Variants in AOC1 observed in about 807,000 individuals in gnomAD.
The protein encoded by AOC1 is diamine oxidase [copper-containing].
In AOC1, 58 loss-of-function variants were observed where a neutral mutation model predicts 57.1. The observed-to-expected ratio is 1.02, with a 90% CI of 0.82 to 1.26. The LOEUF (loss-of-function observed/expected upper bound fraction) is 1.26. AOC1 is among the 50% of genes most tolerant of loss of function. The probability of loss-of-function intolerance (pLI) is 0.00; values close to 1 mark genes in which losing one functional copy is unlikely to be tolerated. For missense variants in AOC1, 917 were observed against 1,005.3 expected (o/e 0.91, Z 1.19); for synonymous variants, 401 against 423.4 (o/e 0.95, Z 0.65).
rs565800850 is a variant in AOC1, at chr7:150,856,476, G to C, written c.6G>C (p.Pro2=). The change falls in exon 2 of 5, where the codon CCG becomes CCC. Residue 2 remains proline, a synonymous_variant. Transcript: ENST00000360937. The surrounding 1 kb of genome is among the most constrained non-coding windows in gnomAD (Gnocchi z 5.2). ...CCAGAGCCGTGGAGCGAGAGATGCCGGCCCTGGGCTGGGCCGTGGCTGCCA... is the reference window on the plus strand; with the variant it reads ...CCAGAGCCGTGGAGCGAGAGATGCCCGCCCTGGGCTGGGCCGTGGCTGCCA... M[P]ALGWAVAAIL... 1 of 1,611,688 alleles carries C rather than the reference G, an allele frequency of 6.2e-7. No homozygotes were observed. Among genetic ancestry groups the C allele is most frequent in the Non-Finnish European group, 8.5e-7 (1 of 1,179,198 alleles).
intron 1 of AOC1, among the ~76,000 whole-genome samples, chr7:150,855,005 G>C (rs1474201881): frequency 6.7e-6 from 1 of 149,120 alleles, no homozygotes; most frequent in African/African-American, 2.6e-5. Context: ...CAGGGCTTCT[G>C]ATTTAGGGAG....
In AOC1 at chr7:150,860,570, C is replaced by A; in HGVS notation, c.1926C>A (p.Asp642Glu). The change falls in exon 4 of 5, where the codon GAC (aspartate) becomes GAA (glutamate). Residue 642 changes from aspartate to glutamate, a missense_variant. Transcript: ENST00000360937. ...GCAGCAGCATCTACCACCAGAACGA[C>A]CCCTGGCACCCGCCCGTGGTCTTTG... ...LCSSSIYHQN[D>E]PWHPPVVFEQ... 1.9e-6 allele frequency: 3 copies of A among 1,614,064 alleles called. No homozygotes were observed. The highest frequency in any genetic ancestry group is 1.3e-5 in the African/African-American group (1 of 75,042).
At position 150,857,613 on chromosome 7, in the gene AOC1, C is replaced by T; in HGVS notation, c.1143C>T (p.Val381=). Reference sequence around the variant, plus strand: ...ATGTCGGCTGGGGCCTGGGCAGCGTCACTCATGAGTTAGCCCCCGGCATCG... The same window carrying T: ...ATGTCGGCTGGGGCCTGGGCAGCGTTACTCATGAGTTAGCCCCCGGCATCG... ...YLDVGWGLGS[V]THELAPGIDC... Residue 381 remains valine (V), a synonymous_variant, in exon 2 of 5, where the codon GTC becomes GTT. Coordinates refer to ENST00000360937, the MANE Select transcript of AOC1 (RefSeq NM_001091.4). This position sits in a 1 kb window ranked among gnomAD's most constrained non-coding sequence, Gnocchi z 6.6. 1 of 1,614,004 alleles carries T rather than the reference C, an allele frequency of 6.2e-7. No homozygotes were observed. The highest frequency in any genetic ancestry group is 8.5e-7 in the Non-Finnish European group (1 of 1,180,004).
chr7:150,858,937 C>T lies in AOC1; in HGVS notation c.1745C>T (p.Pro582Leu). 1 of 1,611,628 alleles carries T rather than the reference C, an allele frequency of 6.2e-7. No homozygotes were observed. The highest frequency in any genetic ancestry group is 2.2e-5 in the East Asian group (1 of 44,820). Reference protein sequence around the residue: ...KLPKYLLFTSPQENPWGHKRT... With the variant: ...KLPKYLLFTSLQENPWGHKRT... ...CCTAAGTACCTGCTCTTTACCAGCC[C>T]CCAGGAGAACCCCTGGGGCCACAAG... Residue 582 changes from proline (P) to leucine (L), a missense_variant, in exon 3 of 5, where the codon CCC becomes CTC. By Grantham distance (98) the Pro-to-Leu change is moderately conservative. Transcript: ENST00000360937.
chr7:150,857,427 C>T lies in AOC1; in HGVS notation c.957C>T (p.Tyr319=), dbSNP rs565010501. 1.8e-5 allele frequency: 29 copies of T among 1,610,778 alleles called. No homozygotes were observed. The highest frequency in any genetic ancestry group is 6.7e-5 in the East Asian group (3 of 44,862). ...RFRLEGNAVL[Y]GGWSFAFRLR... ...GGCTGGAGGGCAACGCTGTGCTCTA[C>T]GGCGGCTGGAGCTTTGCCTTCCGGC... is the stretch of plus-strand genomic sequence containing the variant. The change falls in exon 2 of 5, where the codon TAC becomes TAT. Residue 319 remains tyrosine, a synonymous_variant. Coordinates refer to ENST00000360937, the MANE Select transcript of AOC1 (RefSeq NM_001091.4). The surrounding 1 kb of genome is among the most constrained non-coding windows in gnomAD (Gnocchi z 6.6).
rs1343687405 is a variant in AOC1, at chr7:150,856,722, G to A, written c.252G>A (p.Arg84=). 3.1e-6 allele frequency: 5 copies of A among 1,614,170 alleles called. No homozygotes were observed. In the South Asian group the frequency reaches 5.5e-5, roughly 18 times the overall value. Reference sequence around the variant, plus strand: ...TGCCCAAGAAGTACCATGTGCTGAGGTTTCTGGATAAAGGTGAAAGGCATC... The same window carrying A: ...TGCCCAAGAAGTACCATGTGCTGAGATTTCTGGATAAAGGTGAAAGGCATC... ...MLLPKKYHVL[R]FLDKGERHPV... The change falls in exon 2 of 5, where the codon AGG becomes AGA. Residue 84 remains arginine (R), a synonymous_variant. Coordinates refer to ENST00000360937, the MANE Select transcript of AOC1 (RefSeq NM_001091.4). The surrounding 1 kb of genome is among the most constrained non-coding windows in gnomAD (Gnocchi z 5.2).
rs543446294 is a variant in AOC1, at chr7:150,857,333, G to T, written c.863G>T (p.Arg288Leu). 3 of 1,601,210 alleles carry T rather than the reference G, an allele frequency of 1.9e-6. No individual in the cohort carries two copies. The highest frequency in any genetic ancestry group is 2.6e-6 in the Non-Finnish European group (3 of 1,172,168). ...CCCCTCTTCTCCTCCCACAAGCCCC[G>T]CGGGGACTTCCCCAGCCCCATCCAT... is the stretch of plus-strand genomic sequence containing the variant. ...EPPLFSSHKP[R>L]GDFPSPIHVS... Residue 288 changes from arginine (R) to leucine (L), a missense_variant, in exon 2 of 5, where the codon CGC (arginine) becomes CTC (leucine). Arg to Leu is a moderately radical substitution (Grantham distance 102, BLOSUM62 -2). Transcript: ENST00000360937. This position sits in a 1 kb window ranked among gnomAD's most constrained non-coding sequence, Gnocchi z 6.6.
At position 150,860,932 on chromosome 7, in the gene AOC1, G is replaced by A; in HGVS notation, c.1990-11G>A. The A allele has an allele frequency of 2.5e-6, 4 of 1,607,934 alleles. No homozygotes were observed. Among genetic ancestry groups the A allele is most frequent in the Non-Finnish European group, 3.4e-6 (4 of 1,177,862 alleles). ...AGCCCTGCCCACTGAAGCCCACCCT[G>A]TCTCCTGCAGGACCTGGTGGCCTGG... On this transcript the variant is annotated splice_polypyrimidine_tract_variant and intron_variant, in intron 4 of 4. Coordinates refer to ENST00000360937, the MANE Select transcript of AOC1 (RefSeq NM_001091.4).
intron 3 of AOC1, 47 bp downstream of exon 3, chr7:150,859,095 A>T (rs1799885620): frequency 6.7e-7 from 1 of 1,484,268 alleles, no homozygotes; most frequent in Non-Finnish European, 9.0e-7. Flanking sequence ...GGCTTCCCTC[A>T]GTGTGTGTGT....
At chr7:150,853,673 ATATATATATATATATATATATATATT>A (rs1427982213) in intron 1 of AOC1, among the ~76,000 whole-genome samples, 1 of 58,352 alleles carries the variant, frequency 1.7e-5, no homozygotes, top group Non-Finnish European at 3.2e-5. Flanking sequence ...ATATATATAT[ATATATATATATATATATATATATATT>A]TATTTATTTA....
In AOC1 at chr7:150,860,511, G is replaced by C; in HGVS notation, c.1867G>C (p.Ala623Pro). The C allele has an allele frequency of 6.2e-7, 1 of 1,613,972 alleles. No homozygotes were observed. Among genetic ancestry groups the C allele is most frequent in the Non-Finnish European group, 8.5e-7 (1 of 1,179,944 alleles). Residue 623 changes from alanine (A) to proline (P), a missense_variant, in exon 4 of 5, where the codon GCA becomes CCA. Transcript: ENST00000360937. ...QAITWARYPL[A>P]VTKYRESELC... Reference sequence around the variant, plus strand: ...GCCTGTGCCTGGCAGGTACCCCCTGGCAGTGACCAAGTACCGGGAGTCGGA... The same window carrying C: ...GCCTGTGCCTGGCAGGTACCCCCTGCCAGTGACCAAGTACCGGGAGTCGGA...
intron 4 of AOC1, 147 bp downstream of exon 4, chr7:150,860,780 C>T (rs1014339121): frequency 5.1e-5 from 69 of 1,365,480 alleles, no homozygotes; most frequent in East Asian, 9.2e-5. Context: ...GCTGTGTGGA[C>T]GGCAAGTTCA....
rs1799929434 is a variant in AOC1 at position 150,860,319 on chromosome 7, C to A, written c.1857-182C>A. ...TTTGGGGAGGGGGGCGGGGAGGACT[C>A]CTGTGGGTCACCTGAACCCGGTTAA... On this transcript the variant is annotated intron_variant, in intron 3 of 4. Transcript: ENST00000360937. The A allele has an allele frequency of 7.0e-6, 7 of 998,222 alleles. No individual in the cohort carries two copies. In the South Asian group the frequency reaches 1.1e-4, roughly 16 times the overall value. 61.8% of individuals were successfully genotyped at this position (998,222 alleles called of 1,614,324 possible).
intron 1 of AOC1, chr7:150,853,899 GTAATCCC>G (rs1468756335): frequency 6.6e-6 from 1 of 152,036 alleles, no homozygotes; most frequent in East Asian, 1.9e-4. Context: ...GTGCACACCT[GTAATCCC>G]AACTATTCCA....
intron 2 of AOC1, among the ~76,000 whole-genome samples, chr7:150,858,440 C>G (rs1799860824): frequency 6.6e-6 from 1 of 152,114 alleles, no homozygotes; most frequent in Non-Finnish European, 1.5e-5. Context: ...CCAGACCCAA[C>G]AAGGCCACCA....
intron 1 of AOC1, among the ~76,000 whole-genome samples, chr7:150,854,499 T>C (rs372199668): frequency 6.6e-6 from 1 of 152,140 alleles, no homozygotes; most frequent in East Asian, 1.9e-4. Flanking sequence ...AGTATGTTAG[T>C]TGGGGCCAAA....
intron 1 of AOC1, among the ~76,000 whole-genome samples, chr7:150,853,104 G>C (rs1799667556): frequency 6.6e-6 from 1 of 152,230 alleles, no homozygotes; most frequent in Non-Finnish European, 1.5e-5. Context: ...AAAGAGCAGT[G>C]ATTGCTAGGG....
chr7:150,858,674 T>A, intron 2 of AOC1, 89 bp from the exon 3 acceptor site: 1 of 1,362,702 alleles, frequency 7.3e-7, no homozygotes. Context: ...CTGTTGGATG[T>A]GGTGGAGGAT....
intron 1 of AOC1, among the ~76,000 whole-genome samples, chr7:150,853,661 CTATATATATATA>C (rs201712777): frequency 0.068 from 4,292 of 62,682 alleles, 120 homozygotes; most frequent in South Asian, 0.088. Context: ...GAGATCCTGA[CTATATATATATA>C]TATATATATA....
Sources: allele counts gnomAD v4.1 joint callset (sites outside exome capture counted in the v4.1 genomes callset), GRCh38; gene constraint gnomAD v4.1.1; non-coding constraint Gnocchi (gnomAD v3.1); transcripts MANE v1.5; gene names NCBI Gene and HGNC (gene_info 2026-07-23, HGNC 2026-07-21).